The following DLG2 variants were observed in gnomAD, a reference collection of about 807,000 sequenced individuals.
DLG2 encodes disks large homolog 2.
Under a neutral mutation model 132.5 loss-of-function variants are expected in DLG2, and 45 were observed. The ratio of observed to expected loss-of-function variants is 0.34; its 90% CI spans 0.27 to 0.44. The LOEUF (loss-of-function observed/expected upper bound fraction) is 0.44, where lower values mean the gene tolerates loss of function less well. Among genes scored for constraint, DLG2 ranks in the 20% least tolerant of loss-of-function variants. The pLI is 1.00. For synonymous variants in DLG2, 424 were observed against 419.6 expected, an observed-to-expected ratio of 1.01 and a Z score of -0.13; for missense variants, 1,045 against 1,196.9, an observed-to-expected ratio of 0.87 and a Z score of 1.87.
At chr11:85,349,427 T>G (rs930369616) in intron 3 of DLG2, among the ~76,000 whole-genome samples, 3 of 152,092 alleles carry the variant, frequency 2.0e-5, no homozygotes, top group African/African-American at 7.3e-5. Flanking sequence ...TTATTATTAT[T>G]ATACTCAAAG....
chr11:85,494,472 T>TA (rs1004572967), intron 3 of DLG2, among the ~76,000 whole-genome samples: 2 of 151,972 alleles, frequency 1.3e-5, no homozygotes, highest in African/African-American at 2.4e-5. Context: ...TTGCTTCAGA[T>TA]AAAAAAGCAT....
At chr11:85,587,116 A>C (rs552404174) in intron 3 of DLG2, among the ~76,000 whole-genome samples, 19 of 152,296 alleles carry the variant, frequency 1.2e-4, no homozygotes, top group African/African-American at 3.9e-4. Flanking sequence ...TTTGTGGCCT[A>C]TCCTATGGTC....
intron 6 of DLG2, among the ~76,000 whole-genome samples, chr11:85,085,793 C>T (rs2067846323): frequency 6.6e-6 from 1 of 152,220 alleles, no homozygotes; most frequent in Admixed American, 6.5e-5. Flanking sequence ...AACTGTGACT[C>T]CAAAGTCAGT....
Position 85,582,544 on chromosome 11 carries a change from C to A in DLG2, c.40+16113G>T, listed in dbSNP as rs116722177. Among the ~76,000 whole-genome samples, 1,215 of 150,956 alleles carry A rather than the reference C, an allele frequency of 8.0e-3. 17 individuals are homozygous for A. Among genetic ancestry groups the A allele is most frequent in the African/African-American group, 0.029 (1,182 of 41,158 alleles). ...ATCATGTAGAATATTAGTGTCCAGG[C>A]TGGGCACGGTGGCTTATTCCTATAA... is the stretch of plus-strand genomic sequence containing the variant. On this transcript the variant is annotated intron_variant, in intron 3 of 27. Transcript: ENST00000376104.
intron 6 of DLG2, among the ~76,000 whole-genome samples, chr11:84,708,111 T>C (rs1361060520): frequency 6.6e-6 from 1 of 151,786 alleles, no homozygotes; most frequent in Non-Finnish European, 1.5e-5. Flanking sequence ...AATAGTTCTT[T>C]GATCATCTGA....
chr11:85,412,754 CACACACATAT>C (rs1467488855), intron 3 of DLG2, among the ~76,000 whole-genome samples: 8 of 123,518 alleles, frequency 6.5e-5, no homozygotes, highest in Non-Finnish European at 1.3e-4. Context: ...CACACACACA[CACACACATAT>C]ATATATATAT....
chr11:83,950,593 C>G (rs1232274276), intron 14 of DLG2, among the ~76,000 whole-genome samples: 3 of 152,126 alleles, frequency 2.0e-5, no homozygotes, highest in Non-Finnish European at 4.4e-5. Context: ...AACCCTGTCT[C>G]AAAAAACAAA....
chr11:84,257,378 A>G (rs1383054397), intron 7 of DLG2, among the ~76,000 whole-genome samples: 1 of 152,198 alleles, frequency 6.6e-6, no homozygotes, highest in Non-Finnish European at 1.5e-5. Context: ...GAAGGTTTGT[A>G]GTATTATGAC....
intron 6 of DLG2, among the ~76,000 whole-genome samples, chr11:85,085,417 C>T (rs772509905): frequency 6.6e-6 from 1 of 152,104 alleles, no homozygotes; most frequent in Non-Finnish European, 1.5e-5. Flanking sequence ...AATTCCCTTC[C>T]TTTGTAACTT....
At chr11:84,228,718 A>G (rs576849622) in intron 8 of DLG2, among the ~76,000 whole-genome samples, 70 of 152,294 alleles carry the variant, frequency 4.6e-4, no homozygotes, top group Admixed American at 1.9e-3. Flanking sequence ...ACTGTCTTTT[A>G]GAATCCAGAA....
At chr11:84,733,784 G>C (rs2063470457) in intron 6 of DLG2, among the ~76,000 whole-genome samples, 1 of 152,154 alleles carries the variant, frequency 6.6e-6, no homozygotes, top group South Asian at 2.1e-4. Context: ...TAACACTTAA[G>C]TCTTTAATCC....
At chr11:85,007,600 A>C (rs1228775005) in intron 6 of DLG2, among the ~76,000 whole-genome samples, 1 of 138,524 alleles carries the variant, frequency 7.2e-6, no homozygotes, top group South Asian at 2.4e-4. Context: ...TGGGAGGCAG[A>C]GATTGCAGTG....
rs180961315 is a variant in DLG2, at chr11:84,674,931, T to C, written c.358-140200A>G. On this transcript the variant is annotated intron_variant, in intron 6 of 27. Transcript: ENST00000376104. ...TTAATGACTTTTTCCCACAAGACAGTTGAAATTAATTTTCCTGTCACCGAC... is the reference window on the plus strand; with the variant it reads ...TTAATGACTTTTTCCCACAAGACAGCTGAAATTAATTTTCCTGTCACCGAC... Among the ~76,000 whole-genome samples the C allele has an allele frequency of 3.8e-4, 58 of 152,260 alleles. No homozygotes were observed. The East Asian group carries it at 0.01, about 27-fold the overall frequency.
intron 4 of DLG2, among the ~76,000 whole-genome samples, chr11:85,280,068 T>C (rs975307535): frequency 6.6e-6 from 1 of 152,152 alleles, no homozygotes; most frequent in Non-Finnish European, 1.5e-5. Context: ...ATTTATACTA[T>C]GCATTTTAAT....
At chr11:85,221,149 TC>T (rs1236697503) in intron 4 of DLG2, among the ~76,000 whole-genome samples, 10 of 151,670 alleles carry the variant, frequency 6.6e-5, no homozygotes, top group Admixed American at 5.9e-4. Flanking sequence ...TTCATGCCAT[TC>T]TCCTGACTCA....
chr11:84,420,874 T>C (rs1404248660), intron 7 of DLG2, among the ~76,000 whole-genome samples: 1 of 151,662 alleles, frequency 6.6e-6, no homozygotes, highest in East Asian at 1.9e-4. Context: ...TTCACCGTTT[T>C]AGCCAGGATG....
At chr11:83,921,571 T>C (rs1453118807) in intron 15 of DLG2, among the ~76,000 whole-genome samples, 2 of 152,162 alleles carry the variant, frequency 1.3e-5, no homozygotes, top group African/African-American at 2.4e-5. Flanking sequence ...TTTTAATTAA[T>C]ATCTACGCAA....
chr11:83,849,102 A>C (rs2059189962), intron 16 of DLG2, among the ~76,000 whole-genome samples: 1 of 152,138 alleles, frequency 6.6e-6, no homozygotes, highest in South Asian at 2.1e-4. Context: ...GGTTTCAGAC[A>C]CACATCTAAG....
chr11:85,366,157 T>C (rs2084536877), intron 3 of DLG2, among the ~76,000 whole-genome samples: 1 of 152,178 alleles, frequency 6.6e-6, no homozygotes, highest in Admixed American at 6.5e-5. Context: ...TCTGGATTGC[T>C]ATAATTCTAA....
Sources: gnomAD v4.1 joint callset for allele counts (sites outside exome capture counted in the v4.1 genomes callset) on GRCh38, gnomAD v4.1.1 for gene constraint, MANE v1.5 for transcripts, NCBI Gene and HGNC (gene_info 2026-07-23, HGNC 2026-07-21) for gene names.